The following RPS3 variants were observed in gnomAD, a reference collection of about 807,000 sequenced individuals.
The protein encoded by RPS3 is ribosomal protein S3, also known as small ribosomal subunit protein uS3.
Under a neutral mutation model 25.8 loss-of-function variants are expected in RPS3, and 2 were observed. That is an observed-to-expected ratio of 0.08 (90% CI 0.03 to 0.24). The LOEUF (loss-of-function observed/expected upper bound fraction) is 0.24, where lower values mean the gene tolerates loss of function less well. RPS3 is among the 10% of genes least tolerant of loss of function. RPS3 has a pLI of 1.00. For missense variants in RPS3, 107 were observed against 307.1 expected, an observed-to-expected ratio of 0.35 and a Z score of 4.87; for synonymous variants, 114 against 114.2, an observed-to-expected ratio of 1.00 and a Z score of 0.01.
chr11:75,410,397 C>T (rs970421994), downstream of RPS3, among the ~76,000 whole-genome samples: 15 of 151,618 alleles, frequency 9.9e-5, no homozygotes, highest in African/African-American at 3.4e-4. Context: ...GATGGGCGGC[C>T]GGGCAGAGAC....
chr11:75,402,253 T>G, intron 3 of RPS3, 99 bp from the exon 4 acceptor site: 1 of 1,571,694 alleles, frequency 6.4e-7, no homozygotes, highest in Non-Finnish European at 8.7e-7. Context: ...TGGGCAAGCT[T>G]GGTGTAGAAA....
At chr11:75,407,509 T>C (rs1056268832), downstream of RPS3, among the ~76,000 whole-genome samples, 1 of 152,206 alleles carries the variant, frequency 6.6e-6, no homozygotes, top group African/African-American at 2.4e-5. Context: ...TCTCGCTCTG[T>C]CACCCAGGCT....
At chr11:75,405,261 G>A in intron 6 of RPS3, 1 of 193,116 alleles carries the variant, frequency 5.2e-6, no homozygotes, top group Admixed American at 5.7e-5. Context: ...GTTTTTAGTA[G>A]AGACGGGGTT....
intron 2 of RPS3, 90 bp downstream of exon 2, chr11:75,400,914 GCT>G (rs1948200254): frequency 7.0e-7 from 1 of 1,437,848 alleles, no homozygotes. Flanking sequence ...ACGGAGTCTT[GCT>G]CTGTCCCCAA....
chr11:75,416,351 T>C (rs553028036), intron 6 of RPS3, among the ~76,000 whole-genome samples: 91 of 152,362 alleles, frequency 6.0e-4, no homozygotes, highest in African/African-American at 2.2e-3. Context: ...GCTTTCTGTT[T>C]CTGTTCAAAA....
At chr11:75,403,718 A>C (rs1948243837) in intron 4 of RPS3, 1 of 241,190 alleles carries the variant, frequency 4.1e-6, no homozygotes, top group African/African-American at 2.3e-5. Context: ...TTGCACATTT[A>C]ATTGGCCTAG....
In RPS3 at chr11:75,406,311, C is replaced by G. The variant is rs1311614261; in HGVS notation, c.*701C>G. 2 of 152,186 alleles carry G rather than the reference C, an allele frequency of 1.3e-5. No individual in the cohort carries two copies. Among genetic ancestry groups the G allele is most frequent in the African/African-American group, 4.8e-5 (2 of 41,446 alleles). 9.4% of individuals were successfully genotyped at this position (152,186 alleles called of 1,614,324 possible). On this transcript the variant is annotated 3_prime_UTR_variant, in exon 7 of 7. Transcript: ENST00000531188. The stretch of plus-strand genomic sequence containing the variant: ...TGTCTGTACTTCACAAGAAATTCGG[C>G]ACTATTTTTTCAGGCAAAACTAGTG...
chr11:75,415,900 C>G (rs1388060159), intron 6 of RPS3, among the ~76,000 whole-genome samples: 1 of 146,420 alleles, frequency 6.8e-6, no homozygotes, highest in African/African-American at 2.6e-5. Context: ...TGCTTGAACC[C>G]AGAAGGCGGA....
chr11:75,410,312 C>A (rs1252220333), downstream of RPS3, among the ~76,000 whole-genome samples: 7 of 140,954 alleles, frequency 5.0e-5, no homozygotes, highest in Admixed American at 4.3e-4. Flanking sequence ...ACTTCTCAGA[C>A]GGGGCGGCCG....
chr11:75,400,992 C>T (rs1948201811), intron 2 of RPS3, among the ~76,000 whole-genome samples, 168 bp downstream of exon 2: 1 of 152,178 alleles, frequency 6.6e-6, no homozygotes, highest in African/African-American at 2.4e-5. Flanking sequence ...ACGCCATTCT[C>T]CTGCGTCAGC....
chr11:75,410,954 G>A (rs558601901), downstream of RPS3, among the ~76,000 whole-genome samples: 1 of 152,294 alleles, frequency 6.6e-6, no homozygotes, highest in South Asian at 2.1e-4. Flanking sequence ...TTGGCTCACT[G>A]CAAGCTCCGC....
chr11:75,405,036 G>A (rs1948265700), intron 6 of RPS3, 168 bp downstream of exon 6: 1 of 500,192 alleles, frequency 2.0e-6, no homozygotes, highest in Non-Finnish European at 3.6e-6. Flanking sequence ...TTAACCCTTG[G>A]TTCCAATGGG....
chr11:75,404,611 T>G lies in RPS3; in HGVS notation c.539-61T>G. ...TGAGTAAACTGCTTGCTCTCTTTGG[T>G]CTTGTGTGATGGGGGCCTTTGAGAC... On this transcript the variant is annotated intron_variant, in intron 5 of 6. Transcript: ENST00000531188. The surrounding 1 kb of genome is among the most constrained non-coding windows in gnomAD (Gnocchi z 4.6). 6.6e-7 allele frequency: 1 copy of G among 1,523,420 alleles called. No homozygotes were observed. The highest frequency in any genetic ancestry group is 1.1e-5 in the South Asian group (1 of 88,102). 94.4% of individuals were successfully genotyped at this position (1,523,420 alleles called of 1,614,324 possible).
chr11:75,418,378 C>G (rs899718415), intron 6 of RPS3, among the ~76,000 whole-genome samples: 1 of 152,090 alleles, frequency 6.6e-6, no homozygotes, highest in Non-Finnish European at 1.5e-5. Flanking sequence ...ATTTTTTAAC[C>G]GTATTTGGGT....
chr11:75,417,922 C>CT (rs1948412273), intron 6 of RPS3, among the ~76,000 whole-genome samples: 1 of 152,222 alleles, frequency 6.6e-6, no homozygotes, highest in African/African-American at 2.4e-5. Flanking sequence ...CAGCTTACTA[C>CT]TGTGTGAGCA....
chr11:75,416,433 G>A (rs1332379973), intron 6 of RPS3, among the ~76,000 whole-genome samples: 1 of 142,038 alleles, frequency 7.0e-6, no homozygotes, highest in African/African-American at 2.6e-5. Context: ...ACTGTGCCTT[G>A]TTCCATTTTC....
downstream of RPS3, among the ~76,000 whole-genome samples, chr11:75,410,231 A>G (rs1251585484): frequency 6.6e-6 from 1 of 150,474 alleles, no homozygotes; most frequent in Non-Finnish European, 1.5e-5. Context: ...CACTTCCCAG[A>G]CGGGGTGGCT....
downstream of RPS3, among the ~76,000 whole-genome samples, chr11:75,410,358 G>A (rs1443901967): frequency 2.0e-5 from 3 of 151,786 alleles, no homozygotes; most frequent in South Asian, 2.1e-4. Flanking sequence ...ACAGGGCGGC[G>A]GGGCAGAGGT....
chr11:75,415,387 A>G (rs1402349808), intron 6 of RPS3, among the ~76,000 whole-genome samples: 1 of 152,218 alleles, frequency 6.6e-6, no homozygotes, highest in Non-Finnish European at 1.5e-5. Context: ...ATAACAGTTA[A>G]GAGCCCAGCT....
Sources: gnomAD v4.1 joint callset for allele counts (sites outside exome capture counted in the v4.1 genomes callset) on GRCh38, gnomAD v4.1.1 for gene constraint, Gnocchi (gnomAD v3.1) non-coding constraint, MANE v1.5 for transcripts, NCBI Gene and HGNC (gene_info 2026-07-23, HGNC 2026-07-21) for gene names.